The following RCL1 variants were observed in gnomAD, a reference collection of about 807,000 sequenced individuals.
RCL1 encodes RNA terminal phosphate cyclase like 1, also known as RNA 3'-terminal phosphate cyclase-like protein.
RCL1 carries 24 observed loss-of-function variants against 42.4 expected under a neutral mutation model. That is an observed-to-expected ratio of 0.57 (90% CI 0.41 to 0.80). The LOEUF is 0.80. Ranked by LOEUF, RCL1 falls within the 30% of genes least tolerant of loss-of-function variation. RCL1 has a pLI of 0.00. For missense variants in RCL1, 578 were observed against 467.9 expected (o/e 1.24, Z -2.17); for synonymous variants, 228 against 177.3 (o/e 1.29, Z -2.27).
In RCL1 at chr9:4,849,494, G is replaced by A. The variant is rs2129706475; in HGVS notation, c.915G>A (p.Met305Ile). ...STNQSLALLL[M>I]TLGQQDVSKV... is the part of the protein sequence containing the mutation. ...ACCAAAGCCTGGCGCTACTACTCAT[G>A]ACCCTTGGACAGCAGGATGTTTCCA... The change falls in exon 8 of 9, where the codon ATG (methionine) becomes ATA (isoleucine). Residue 305 changes from methionine (M) to isoleucine (I), a missense_variant. Met to Ile is a conservative substitution (Grantham distance 10). Transcript: ENST00000381750. 1.2e-6 allele frequency: 2 copies of A among 1,613,592 alleles called. No individual in the cohort carries two copies. The highest frequency in any genetic ancestry group is 1.6e-4 in the Middle Eastern group (1 of 6,062).
At chr9:4,829,046 A>T (rs1054225765) in intron 3 of RCL1, among the ~76,000 whole-genome samples, 1 of 152,174 alleles carries the variant, frequency 6.6e-6, no homozygotes, top group African/African-American at 2.4e-5. Flanking sequence ...CTCTCTGTGT[A>T]CAAGGATGAA....
chr9:4,802,658 G>A (rs555628396), intron 1 of RCL1, among the ~76,000 whole-genome samples: 1 of 151,926 alleles, frequency 6.6e-6, no homozygotes. Context: ...ACAAATATAC[G>A]GAAGTAGTTT....
Position 4,844,579 on chromosome 9 carries a change from C to CAT in RCL1, c.766_767insTA (p.Ser256IlefsTer39). ...CTGAGACCACCAGTGGCACCTTCCT[C>CAT]AGTGCTGAACTGGCCTCCAACCCCC... is the stretch of plus-strand genomic sequence containing the variant. On this transcript the variant is annotated frameshift_variant, in exon 7 of 9. Transcript: ENST00000381750. LOFTEE classifies it high-confidence loss of function. 1 of 1,613,890 alleles carries CAT rather than the reference C, an allele frequency of 6.2e-7. No homozygotes were observed. The highest frequency in any genetic ancestry group is 1.3e-5 in the African/African-American group (1 of 75,050).
At chr9:4,815,136 T>G (rs1390320888) in intron 1 of RCL1, among the ~76,000 whole-genome samples, 1 of 152,214 alleles carries the variant, frequency 6.6e-6, no homozygotes, top group Non-Finnish European at 1.5e-5. Context: ...TTGAGCTTCC[T>G]AGATCTGTAT....
At chr9:4,839,980 TG>T in intron 5 of RCL1, 3 of 828,206 alleles carry the variant, frequency 3.6e-6, no homozygotes, top group Non-Finnish European at 4.4e-6. Flanking sequence ...TCAGTTTGGA[TG>T]GGTGGAAGGA....
At chr9:4,854,805 C>T (rs1160535917) in intron 8 of RCL1, among the ~76,000 whole-genome samples, 1 of 152,070 alleles carries the variant, frequency 6.6e-6, no homozygotes, top group Non-Finnish European at 1.5e-5. Flanking sequence ...ACCTGTAATC[C>T]CAGCACTTTG....
At chr9:4,846,783 G>T (rs1817529502) in intron 7 of RCL1, among the ~76,000 whole-genome samples, 2 of 152,214 alleles carry the variant, frequency 1.3e-5, no homozygotes, top group African/African-American at 4.8e-5. Flanking sequence ...CACAGCTAGA[G>T]TGTGGGGTTT....
chr9:4,848,811 A>G (rs1170589614), intron 7 of RCL1, among the ~76,000 whole-genome samples: 1 of 152,144 alleles, frequency 6.6e-6, no homozygotes. Flanking sequence ...AAGGGAAGGA[A>G]AAGGGGGTGG....
chr9:4,813,737 A>G (rs1357948732), intron 1 of RCL1, among the ~76,000 whole-genome samples: 7 of 152,230 alleles, frequency 4.6e-5, no homozygotes, highest in Admixed American at 3.3e-4. Context: ...ACACACGCAC[A>G]CGTATGTTTA....
rs570832031 is a variant in RCL1, at chr9:4,850,310, G to A, written c.971+760G>A. ...ATATGAGACTGAACTGTCCTTTTTC[G>A]GTTATCATGGTACCGATGCTGTATA... On this transcript the variant is annotated intron_variant, in intron 8 of 8. Coordinates refer to ENST00000381750, the MANE Select transcript of RCL1 (RefSeq NM_005772.5). 34 of 533,984 alleles carry A rather than the reference G, an allele frequency of 6.4e-5. No homozygotes were observed. In the East Asian group the frequency reaches 7.1e-4, roughly 11 times the overall value. 33.1% of individuals were successfully genotyped at this position (533,984 alleles called of 1,614,324 possible). A position where few individuals can be genotyped will look rare whatever the true frequency, so the allele number is the denominator to read the frequency against.
intron 8 of RCL1, among the ~76,000 whole-genome samples, chr9:4,851,284 G>C (rs1319201493): frequency 6.6e-6 from 1 of 152,178 alleles, no homozygotes; most frequent in Admixed American, 6.5e-5. Context: ...GTAAGATGAT[G>C]TATCTTGAGG....
intron 1 of RCL1, among the ~76,000 whole-genome samples, chr9:4,795,846 A>G (rs1842904953): frequency 1.3e-5 from 2 of 152,106 alleles, no homozygotes; most frequent in African/African-American, 4.8e-5. Flanking sequence ...GGTGAGTGTA[A>G]TATATGTGAG....
At position 4,851,132 on chromosome 9, in the gene RCL1, T is replaced by C. The variant is rs10974813; in HGVS notation, c.971+1582T>C. Among the ~76,000 whole-genome samples the C allele has an allele frequency of 6.3e-3, 952 of 152,304 alleles. 4 individuals are homozygous for C. The highest frequency in any genetic ancestry group is 0.019 in the African/African-American group (779 of 41,552). On this transcript the variant is annotated intron_variant, in intron 8 of 8. Transcript: ENST00000381750. The stretch of plus-strand genomic sequence containing the variant: ...AGATATGACTGGACATTTTTGAAAG[T>C]TCCTGTGTCCTCTTCAACACATCTT...
chr9:4,793,613 G>A lies in RCL1; in HGVS notation c.136+386G>A, dbSNP rs569681682. 7.2e-5 allele frequency among the ~76,000 whole-genome samples: 11 copies of A among 152,304 alleles called. No individual in the cohort carries two copies. The East Asian group carries it at 1.2e-3, about 16-fold the overall frequency. The stretch of plus-strand genomic sequence containing the variant: ...GGACCGAAATATGGTGAATGAGCCG[G>A]GGGAGAGACATTGGGAGAGAAAAGT... On this transcript the variant is annotated intron_variant, in intron 1 of 8. Coordinates refer to ENST00000381750, the MANE Select transcript of RCL1 (RefSeq NM_005772.5).
At chr9:4,838,263 T>C (rs1206881313) in intron 5 of RCL1, among the ~76,000 whole-genome samples, 3 of 152,202 alleles carry the variant, frequency 2.0e-5, no homozygotes, top group Non-Finnish European at 4.4e-5. Flanking sequence ...CCCTCTTGCG[T>C]TCTACAAGAT....
At chr9:4,796,321 G>C (rs1021563109) in intron 1 of RCL1, among the ~76,000 whole-genome samples, 2 of 152,156 alleles carry the variant, frequency 1.3e-5, no homozygotes, top group African/African-American at 2.4e-5. Flanking sequence ...TTATAAGTAA[G>C]AACATGGAGT....
intron 1 of RCL1, among the ~76,000 whole-genome samples, chr9:4,814,410 A>G (rs141057452): frequency 9.2e-5 from 14 of 152,084 alleles, no homozygotes; most frequent in Admixed American, 3.9e-4. Flanking sequence ...TGGTCTCCCT[A>G]CAGGTGTTTG....
intron 5 of RCL1, 114 bp downstream of exon 5, chr9:4,834,379 C>G: frequency 8.2e-7 from 1 of 1,223,684 alleles, no homozygotes; most frequent in South Asian, 1.5e-5. Flanking sequence ...TAGACTACAA[C>G]TTTGAAAAGT....
At chr9:4,793,280 G>A in intron 1 of RCL1, 53 bp downstream of exon 1, 2 of 1,529,276 alleles carry the variant, frequency 1.3e-6, no homozygotes, top group Admixed American at 4.1e-5. Context: ...AGGGGAGACC[G>A]AGCTGATGCC....
Sources: allele counts gnomAD v4.1 joint callset (sites outside exome capture counted in the v4.1 genomes callset), GRCh38; gene constraint gnomAD v4.1.1; transcripts MANE v1.5; gene names NCBI Gene and HGNC (gene_info 2026-07-23, HGNC 2026-07-21).